The following ZGRF1 variants were observed in gnomAD, a reference collection of about 807,000 sequenced individuals.
ZGRF1 encodes the protein zinc finger GRF-type containing 1.
ZGRF1 carries 196 observed loss-of-function variants against 203.5 expected under a neutral mutation model. That is an observed-to-expected ratio of 0.96 (90% CI 0.86 to 1.08). The LOEUF (loss-of-function observed/expected upper bound fraction) is 1.08. Ranked by LOEUF, ZGRF1 falls within the 50% of genes least tolerant of loss-of-function variation. The pLI is 0.00. For synonymous variants in ZGRF1, 809 were observed against 841.3 expected, an observed-to-expected ratio of 0.96 and a Z score of 0.66; for missense variants, 2,326 against 2,416.3, an observed-to-expected ratio of 0.96 and a Z score of 0.78.
intron 10 of ZGRF1, among the ~76,000 whole-genome samples, chr4:112,602,483 A>G (rs1750134306): frequency 6.6e-6 from 1 of 152,240 alleles, no homozygotes; most frequent in Non-Finnish European, 1.5e-5. Flanking sequence ...TGCATTATGT[A>G]CTAAAAGTAA....
At position 112,553,853 on chromosome 4, in the gene ZGRF1, A is replaced by G. The variant is rs763296660; in HGVS notation, c.5328T>C (p.Asn1776=). ...TTCTTACCTGCTTCAGCAGGGTTCT[A>G]TTGGTCCCCAGTTTATGCTGCTCAA... ...KSIEQHKLGT[N]RTLLKQVRVV... Residue 1776 remains asparagine (N), a synonymous_variant, in exon 22 of 28, where the codon AAT becomes AAC. Coordinates refer to ENST00000505019, the MANE Select transcript of ZGRF1 (RefSeq NM_018392.5). 6.2e-6 allele frequency: 10 copies of G among 1,611,304 alleles called. No individual in the cohort carries two copies. The African/African-American group carries it at 9.4e-5, about 15-fold the overall frequency.
intron 16 of ZGRF1, among the ~76,000 whole-genome samples, chr4:112,576,604 C>A (rs930329748): frequency 1.3e-5 from 2 of 152,126 alleles, no homozygotes; most frequent in Admixed American, 6.5e-5. Context: ...GAGCTGAAAA[C>A]CATGGCACGA....
chr4:112,568,883 G>A (rs532334115), intron 16 of ZGRF1, among the ~76,000 whole-genome samples: 1 of 152,078 alleles, frequency 6.6e-6, no homozygotes, highest in East Asian at 1.9e-4. Flanking sequence ...GCATGGTGGT[G>A]TGCGCCTGTA....
intron 22 of ZGRF1, among the ~76,000 whole-genome samples, chr4:112,550,561 G>A (rs1445160594): frequency 6.6e-6 from 1 of 151,916 alleles, no homozygotes; most frequent in Non-Finnish European, 1.5e-5. Context: ...CGTTTATAAA[G>A]TCTACAGTAG....
chr4:112,554,570 A>T, intron 21 of ZGRF1, 135 bp downstream of exon 21: 1 of 577,290 alleles, frequency 1.7e-6, no homozygotes, highest in Non-Finnish European at 3.1e-6. Flanking sequence ...TCAGCAAAAT[A>T]CAGATTTTCT....
intron 15 of ZGRF1, 43 bp from the exon 16 acceptor site, chr4:112,581,845 A>T: frequency 9.4e-7 from 1 of 1,067,596 alleles, no homozygotes; most frequent in Non-Finnish European, 1.3e-6. Flanking sequence ...TAATATTAAG[A>T]TGCAAGTTTT....
At chr4:112,582,391 G>A (rs1670881505) in intron 15 of ZGRF1, among the ~76,000 whole-genome samples, 1 of 149,886 alleles carries the variant, frequency 6.7e-6, no homozygotes, top group Non-Finnish European at 1.5e-5. Context: ...ACTTCCATGA[G>A]ATCTGCTTTT....
chr4:112,578,469 C>T lies in ZGRF1; in HGVS notation c.4438+3194G>A, dbSNP rs868441474. 4.3e-5 allele frequency among the ~76,000 whole-genome samples: 5 copies of T among 116,286 alleles called. 2 individuals carry two copies. Among genetic ancestry groups the T allele is most frequent in the Admixed American group, 3.0e-4 (3 of 10,072 alleles). The allele number at this position is 116,286 out of a possible 152,430, so 76.3% of individuals were successfully genotyped here. A position where few individuals can be genotyped will look rare whatever the true frequency, so the allele number is the denominator to read the frequency against. On this transcript the variant is annotated intron_variant, in intron 16 of 27. Coordinates refer to ENST00000505019, the MANE Select transcript of ZGRF1 (RefSeq NM_018392.5). Reference sequence around the variant, plus strand: ...AGACACAAAAAACCCTTCAAAAAATCAATGAATCCAGGAGCTGGTTTTTTG... The same window carrying T: ...AGACACAAAAAACCCTTCAAAAAATTAATGAATCCAGGAGCTGGTTTTTTG...
intron 4 of ZGRF1, among the ~76,000 whole-genome samples, chr4:112,621,001 C>T (rs1183137463): frequency 3.9e-5 from 6 of 152,162 alleles, no homozygotes; most frequent in Non-Finnish European, 4.4e-5. Context: ...TGCCATACTC[C>T]AACCTGGATG....
chr4:112,589,542 A>C, intron 11 of ZGRF1, 182 bp downstream of exon 11: 1 of 588,450 alleles, frequency 1.7e-6, no homozygotes, highest in Non-Finnish European at 3.0e-6. Flanking sequence ...CTAGAAGGGA[A>C]TATTGTACCT....
At chr4:112,558,055 A>T in intron 20 of ZGRF1, 95 bp downstream of exon 20, 1 of 988,200 alleles carries the variant, frequency 1.0e-6, no homozygotes, top group Non-Finnish European at 1.5e-6. Context: ...TGGCATAACC[A>T]GCAAGAGTAC....
intron 10 of ZGRF1, among the ~76,000 whole-genome samples, chr4:112,599,770 T>C (rs1749638185): frequency 6.6e-6 from 1 of 152,028 alleles, no homozygotes; most frequent in Non-Finnish European, 1.5e-5. Context: ...ACTTCTGAAA[T>C]TGCAGACCAA....
chr4:112,556,893 T>C (rs1741046154), intron 20 of ZGRF1, among the ~76,000 whole-genome samples: 1 of 152,200 alleles, frequency 6.6e-6, no homozygotes, highest in African/African-American at 2.4e-5. Flanking sequence ...TGACTGTTTC[T>C]CCTAATCAAA....
rs750639270 is a variant in ZGRF1, at chr4:112,617,811, T to C, written c.2231A>G (p.Asn744Ser). 8.1e-6 allele frequency: 13 copies of C among 1,613,920 alleles called. No homozygotes were observed. Among genetic ancestry groups the C allele is most frequent in the African/African-American group, 1.3e-5 (1 of 74,934 alleles). ...TGCAATACATTCATAGTGATTCTGA[T>C]TGGTATTTAATAGTTGGACACTGTT... ...SDNSVQLLNT[N>S]QNHYECIALD... The change falls in exon 6 of 28, where the codon AAT (asparagine) becomes AGT (serine). Residue 744 changes from asparagine to serine, a missense_variant. By Grantham distance (46) the Asn-to-Ser change is conservative. Transcript: ENST00000505019.
intron 16 of ZGRF1, among the ~76,000 whole-genome samples, chr4:112,568,710 T>A (rs1743644287): frequency 1.9e-5 from 1 of 53,210 alleles, no homozygotes; most frequent in Admixed American, 2.4e-4. Flanking sequence ...AAACTCTGTC[T>A]CAAAAAAAAA....
chr4:112,612,497 AC>A (rs751191752), intron 7 of ZGRF1, 26 bp downstream of exon 7: 50 of 1,445,862 alleles, frequency 3.5e-5, no homozygotes, highest in African/African-American at 3.0e-4. Context: ...AATAAAAAAA[AC>A]ATACTCTTAG....
chr4:112,578,565 C>T (rs1204780078), intron 16 of ZGRF1, among the ~76,000 whole-genome samples: 1 of 121,870 alleles, frequency 8.2e-6, no homozygotes, highest in Non-Finnish European at 1.8e-5. Flanking sequence ...ATCAAATAGA[C>T]ACAATAAAAA....
chr4:112,588,050 T>G, intron 11 of ZGRF1, 121 bp from the exon 12 acceptor site: 1 of 351,128 alleles, frequency 2.8e-6, no homozygotes, highest in Non-Finnish European at 4.0e-6. Context: ...AAAAATCACA[T>G]TATTTTATTT....
At position 112,606,092 on chromosome 4, in the gene ZGRF1, C is replaced by T; in HGVS notation, c.2719-1G>A. ...CTTCTTTACTTCCCGAGGAAGAGAACTAGGATAAAATATGAATAAGTTATC... is the reference window on the plus strand; with the variant it reads ...CTTCTTTACTTCCCGAGGAAGAGAATTAGGATAAAATATGAATAAGTTATC... On this transcript the variant is annotated splice_acceptor_variant, in intron 8 of 27. Coordinates refer to ENST00000505019, the MANE Select transcript of ZGRF1 (RefSeq NM_018392.5). LOFTEE classifies it high-confidence loss of function. The T allele has an allele frequency of 1.9e-6, 3 of 1,558,588 alleles. No individual in the cohort carries two copies. The highest frequency in any genetic ancestry group is 2.6e-6 in the Non-Finnish European group (3 of 1,140,180).
Sources: gnomAD v4.1 joint callset for allele counts (sites outside exome capture counted in the v4.1 genomes callset) on GRCh38, gnomAD v4.1.1 for gene constraint, MANE v1.5 for transcripts, NCBI Gene and HGNC (gene_info 2026-07-23, HGNC 2026-07-21) for gene names.